Variants in FSTL5 observed in about 807,000 individuals in gnomAD.
FSTL5 encodes follistatin like 5.
A neutral mutation model predicts 89.1 loss-of-function variants in FSTL5; 62 were observed. The observed-to-expected ratio is 0.70, with a 90% CI of 0.57 to 0.86. The LOEUF is 0.86. Among genes scored for constraint, FSTL5 ranks in the 40% least tolerant of loss-of-function variants. The pLI, the probability that FSTL5 is intolerant of heterozygous loss-of-function variation, is 0.00. For missense variants in FSTL5, 1,057 were observed against 1,001.6 expected (o/e 1.06, Z -0.75); for synonymous variants, 383 against 346.2 (o/e 1.11, Z -1.18).
intron 10 of FSTL5, among the ~76,000 whole-genome samples, chr4:161,532,702 G>A (rs919480457): frequency 6.6e-6 from 1 of 152,048 alleles, no homozygotes; most frequent in Non-Finnish European, 1.5e-5. Context: ...AACTGAAAAA[G>A]AAATTTTGGA....
chr4:161,862,179 T>C (rs1731938044), intron 4 of FSTL5, among the ~76,000 whole-genome samples: 1 of 152,248 alleles, frequency 6.6e-6, no homozygotes, highest in African/African-American at 2.4e-5. Context: ...TCATCATTGC[T>C]TTTTAGTAGT....
intron 7 of FSTL5, among the ~76,000 whole-genome samples, chr4:161,603,647 T>A (rs10434109): frequency 0.17 from 26,095 of 152,048 alleles, 2,701 homozygotes; most frequent in Non-Finnish European, 0.21. Context: ...TTTGTTTTTT[T>A]AAAATATTTT....
At chr4:161,659,321 A>G (rs1258941582) in intron 6 of FSTL5, among the ~76,000 whole-genome samples, 2 of 152,138 alleles carry the variant, frequency 1.3e-5, no homozygotes, top group Non-Finnish European at 2.9e-5. Flanking sequence ...ACTATGTTGT[A>G]TAGAAAAAAT....
At chr4:161,758,826 ATTATTT>A (rs539474568) in intron 6 of FSTL5, among the ~76,000 whole-genome samples, 159 of 152,300 alleles carry the variant, frequency 1.0e-3, no homozygotes, top group African/African-American at 3.3e-3. Flanking sequence ...GCCTCTTTGA[ATTATTT>A]TTAAAGAATA....
At chr4:162,080,560 T>C (rs1033573908) in intron 2 of FSTL5, among the ~76,000 whole-genome samples, 1 of 151,686 alleles carries the variant, frequency 6.6e-6, no homozygotes, top group Non-Finnish European at 1.5e-5. Context: ...ACTGTGCCAT[T>C]TATACATATA....
At chr4:162,150,403 T>C (rs1365399143) in intron 1 of FSTL5, among the ~76,000 whole-genome samples, 1 of 149,692 alleles carries the variant, frequency 6.7e-6, no homozygotes, top group East Asian at 1.9e-4. Context: ...TTCTAAAGTT[T>C]TATCAAAATA....
At chr4:161,964,677 T>A (rs1290490476) in intron 3 of FSTL5, among the ~76,000 whole-genome samples, 2 of 152,068 alleles carry the variant, frequency 1.3e-5, no homozygotes, top group Non-Finnish European at 2.9e-5. Context: ...ACAGGTCGTA[T>A]TTAATTTATA....
Position 161,567,302 on chromosome 4 carries a change from C to A in FSTL5, c.1015+20153G>T, listed in dbSNP as rs562057912. On this transcript the variant is annotated intron_variant, in intron 8 of 15. Coordinates refer to ENST00000306100, the MANE Select transcript of FSTL5 (RefSeq NM_020116.5). ...AATAAAATAAAATTTATTTTTAAAA[C>A]ATATGGATTAACAAGTACACATGCA... is the stretch of plus-strand genomic sequence containing the variant. Among the ~76,000 whole-genome samples, 7 of 151,946 alleles carry A rather than the reference C, an allele frequency of 4.6e-5. No homozygotes were observed. The East Asian group carries it at 1.3e-3, about 29-fold the overall frequency.
At chr4:162,148,373 C>T (rs896460415) in intron 1 of FSTL5, among the ~76,000 whole-genome samples, 1 of 152,108 alleles carries the variant, frequency 6.6e-6, no homozygotes, top group African/African-American at 2.4e-5. Context: ...ATTATTGTGT[C>T]ATCCTAAATT....
At chr4:162,032,655 G>C (rs1482708302) in intron 3 of FSTL5, 1 of 152,172 alleles carries the variant, frequency 6.6e-6, no homozygotes, top group Admixed American at 6.6e-5. Flanking sequence ...AATGTGCAGA[G>C]AGGATTCTAT....
chr4:162,153,745 A>ATACATATATATGT (rs375756150), intron 1 of FSTL5, among the ~76,000 whole-genome samples: 1 of 109,854 alleles, frequency 9.1e-6, no homozygotes, highest in Admixed American at 1.2e-4. Context: ...TGTATATAAT[A>ATACATATATATGT]ATATACATGT....
intron 2 of FSTL5, 98 bp downstream of exon 2, chr4:162,111,173 C>T: frequency 4.2e-6 from 4 of 953,196 alleles, no homozygotes; most frequent in Non-Finnish European, 5.9e-6. Flanking sequence ...AAAGCATATT[C>T]TGAAATAAGT....
In FSTL5 at chr4:162,072,485, C is replaced by A. The variant is rs117397324; in HGVS notation, c.126+38786G>T. ...AACAAATGAATTCACAAGTAATTATCTACTACTTTAATGAATACATATACT... is the reference window on the plus strand; with the variant it reads ...AACAAATGAATTCACAAGTAATTATATACTACTTTAATGAATACATATACT... On this transcript the variant is annotated intron_variant, in intron 2 of 15. Transcript: ENST00000306100. 7.6e-4 allele frequency among the ~76,000 whole-genome samples: 116 copies of A among 151,870 alleles called. 1 individual carries two copies. The East Asian group carries it at 0.019, about 25-fold the overall frequency.
chr4:161,411,510 C>G (rs542312326), intron 15 of FSTL5, among the ~76,000 whole-genome samples: 3 of 152,134 alleles, frequency 2.0e-5, no homozygotes, highest in Non-Finnish European at 4.4e-5. Flanking sequence ...GGCTTTATTC[C>G]TGGCATGCAG....
At chr4:162,155,351 C>T (rs1232987985) in intron 1 of FSTL5, among the ~76,000 whole-genome samples, 1 of 152,076 alleles carries the variant, frequency 6.6e-6, no homozygotes, top group African/African-American at 2.4e-5. Flanking sequence ...CGCAAAGAAA[C>T]AAATCCAGCC....
chr4:162,131,610 A>AC (rs1306636431), intron 1 of FSTL5, among the ~76,000 whole-genome samples: 6 of 152,196 alleles, frequency 3.9e-5, no homozygotes, highest in African/African-American at 1.4e-4. Context: ...ATATAAAATT[A>AC]CCCCATGCAA....
intron 8 of FSTL5, among the ~76,000 whole-genome samples, chr4:161,576,574 G>T (rs187726176): frequency 8.5e-5 from 13 of 152,276 alleles, no homozygotes; most frequent in Admixed American, 7.8e-4. Context: ...ACTGGGAAAT[G>T]ATTCCCTATT....
intron 3 of FSTL5, among the ~76,000 whole-genome samples, chr4:161,975,302 A>G (rs571977745): frequency 1.3e-5 from 2 of 151,936 alleles, no homozygotes; most frequent in East Asian, 1.9e-4. Flanking sequence ...ACACATGCAC[A>G]CATATGTTTA....
intron 10 of FSTL5, among the ~76,000 whole-genome samples, chr4:161,532,584 CTT>C (rs1171848583): frequency 6.6e-6 from 1 of 152,124 alleles, no homozygotes; most frequent in African/African-American, 2.4e-5. Context: ...ACTAATGGGT[CTT>C]TGATTGGTTC....
Sources: gnomAD v4.1 joint callset for allele counts (sites outside exome capture counted in the v4.1 genomes callset) on GRCh38, gnomAD v4.1.1 for gene constraint, MANE v1.5 for transcripts, NCBI Gene and HGNC (gene_info 2026-07-23, HGNC 2026-07-21) for gene names.